The following RAMP3 variants were observed in gnomAD, a reference collection of about 807,000 sequenced individuals.
RAMP3 encodes the protein receptor activity modifying protein 3.
Under a neutral mutation model 13.5 loss-of-function variants are expected in RAMP3, and 14 were observed. That is an observed-to-expected ratio of 1.04 (90% CI 0.69 to 1.63). The LOEUF (loss-of-function observed/expected upper bound fraction) is 1.63. Among genes scored for constraint, RAMP3 ranks in the 40% most tolerant of loss-of-function variants. The pLI, the probability that RAMP3 is intolerant of heterozygous loss-of-function variation, is 0.00. For missense variants in RAMP3, 200 were observed against 204.8 expected, an observed-to-expected ratio of 0.98 and a Z score of 0.14; for synonymous variants, 106 against 88.3, an observed-to-expected ratio of 1.20 and a Z score of -1.12.
chr7:45,166,454 A>G (rs1785963514), intron 1 of RAMP3, among the ~76,000 whole-genome samples: 1 of 152,154 alleles, frequency 6.6e-6, no homozygotes, highest in Non-Finnish European at 1.5e-5. Context: ...TCATTTATAT[A>G]TATTTTTGTA....
At chr7:45,159,712 G>A (rs1041593936) in intron 1 of RAMP3, among the ~76,000 whole-genome samples, 12 of 152,166 alleles carry the variant, frequency 7.9e-5, no homozygotes, top group Admixed American at 3.9e-4. Context: ...TGCTGAGACC[G>A]TCAGTTTGAT....
At chr7:45,159,267 G>A (rs554728349) in intron 1 of RAMP3, among the ~76,000 whole-genome samples, 150 of 152,348 alleles carry the variant, frequency 9.8e-4, no homozygotes, top group Non-Finnish European at 2.0e-3. Flanking sequence ...GACCCTCCCA[G>A]TGTTCGACTG....
chr7:45,177,707 C>A (rs774708768), intron 2 of RAMP3, among the ~76,000 whole-genome samples: 3 of 152,180 alleles, frequency 2.0e-5, no homozygotes, highest in African/African-American at 7.2e-5. Context: ...CCGCCCATGC[C>A]GTGCCCCTGC....
At chr7:45,167,345 C>T (rs1785984515) in intron 1 of RAMP3, among the ~76,000 whole-genome samples, 1 of 152,046 alleles carries the variant, frequency 6.6e-6, no homozygotes, top group South Asian at 2.1e-4. Context: ...TGTCGCAGTA[C>T]CATTTGTTGA....
intron 1 of RAMP3, among the ~76,000 whole-genome samples, chr7:45,176,468 A>T (rs994723240): frequency 6.6e-6 from 1 of 152,046 alleles, no homozygotes; most frequent in African/African-American, 2.4e-5. Context: ...CACCCGAGAC[A>T]CATATGCCTG....
Position 45,165,847 on chromosome 7 carries a change from A to C in RAMP3, c.58+7961A>C, listed in dbSNP as rs536816021. Among the ~76,000 whole-genome samples the C allele has an allele frequency of 3.3e-5, 5 of 152,356 alleles. No individual in the cohort carries two copies. In the South Asian group the frequency reaches 8.3e-4, roughly 25 times the overall value. On this transcript the variant is annotated intron_variant, in intron 1 of 2. Transcript: ENST00000242249. ...AGCAGAATGTTTTTAAGGTTCATTC[A>C]TATAGTGGTATGTTTTAGCACTTCA...
chr7:45,171,141 A>G (rs1165564625), intron 1 of RAMP3, among the ~76,000 whole-genome samples: 4 of 145,980 alleles, frequency 2.7e-5, no homozygotes, highest in Admixed American at 6.8e-5. Context: ...AATTCTTTCC[A>G]TCTTTGATTT....
intron 2 of RAMP3, among the ~76,000 whole-genome samples, chr7:45,179,621 C>T (rs567405628): frequency 1.8e-4 from 27 of 152,136 alleles, no homozygotes; most frequent in African/African-American, 6.3e-4. Context: ...AGGAAATCTC[C>T]CAGGAATAGG....
At chr7:45,166,860 C>T (rs574208877) in intron 1 of RAMP3, among the ~76,000 whole-genome samples, 2 of 151,980 alleles carry the variant, frequency 1.3e-5, no homozygotes, top group East Asian at 1.9e-4. Flanking sequence ...ACTGCAACCT[C>T]GGCCTCCCAG....
intron 1 of RAMP3, among the ~76,000 whole-genome samples, chr7:45,165,436 T>C (rs1200901388): frequency 6.6e-6 from 1 of 152,228 alleles, no homozygotes; most frequent in Non-Finnish European, 1.5e-5. Flanking sequence ...CTGATAGGCT[T>C]TCCTAAACAT....
At chr7:45,158,607 G>A (rs1228829915) in intron 1 of RAMP3, among the ~76,000 whole-genome samples, 2 of 152,220 alleles carry the variant, frequency 1.3e-5, no homozygotes, top group Non-Finnish European at 2.9e-5. Flanking sequence ...AAAGGCTGTT[G>A]GGGAAGAGTG....
intron 2 of RAMP3, among the ~76,000 whole-genome samples, chr7:45,181,124 G>A (rs895153173): frequency 7.2e-5 from 11 of 152,236 alleles, no homozygotes; most frequent in Non-Finnish European, 1.0e-4. Context: ...GATAGGATAA[G>A]TGTTATTAAA....
intron 1 of RAMP3, chr7:45,163,485 C>T (rs952234638): frequency 5.1e-6 from 5 of 985,170 alleles, no homozygotes; most frequent in Non-Finnish European, 4.8e-6. Flanking sequence ...TAATGGGGGA[C>T]AGTCTGATTG....
intron 1 of RAMP3, among the ~76,000 whole-genome samples, chr7:45,161,916 C>A (rs1785875172): frequency 2.0e-5 from 3 of 151,984 alleles, no homozygotes; most frequent in Admixed American, 1.3e-4. Flanking sequence ...GCTCAGGAGA[C>A]CCACCCAAGG....
chr7:45,163,793 C>T lies in RAMP3; in HGVS notation c.58+5907C>T, dbSNP rs961073826. 3.9e-5 allele frequency: 38 copies of T among 985,240 alleles called. No homozygotes were observed. In the South Asian group the frequency reaches 7.0e-4, roughly 18 times the overall value. The allele number at this position is 985,240 out of a possible 1,614,324, so 61.0% of individuals were successfully genotyped here. On this transcript the variant is annotated intron_variant, in intron 1 of 2. Transcript: ENST00000242249. ...GGATGAGGTCTCTGTCTTCTGGCTC[C>T]GTGCCAGTGGGGCATCTGGAGGGTG... is the stretch of plus-strand genomic sequence containing the variant.
intron 1 of RAMP3, among the ~76,000 whole-genome samples, chr7:45,172,951 C>T (rs1786110462): frequency 2.0e-5 from 3 of 152,176 alleles, no homozygotes; most frequent in Admixed American, 1.3e-4. Context: ...GGTCCCCCTC[C>T]CTGCTCAGTG....
At chr7:45,178,205 A>G (rs1273501769) in intron 2 of RAMP3, among the ~76,000 whole-genome samples, 8 of 152,114 alleles carry the variant, frequency 5.3e-5, no homozygotes, top group South Asian at 2.1e-4. Context: ...TTGGGTTCCA[A>G]TGGTTTATAT....
intron 1 of RAMP3, among the ~76,000 whole-genome samples, chr7:45,158,228 TG>T (rs1163415021): frequency 6.6e-6 from 1 of 152,242 alleles, no homozygotes; most frequent in Non-Finnish European, 1.5e-5. Context: ...GGACCAGGTC[TG>T]GCTCTTTACC....
intron 2 of RAMP3, among the ~76,000 whole-genome samples, chr7:45,180,193 G>A (rs886726812): frequency 1.3e-5 from 2 of 152,266 alleles, no homozygotes; most frequent in Non-Finnish European, 2.9e-5. Context: ...AGGCAGGAGA[G>A]GGAAGCCCCA....
Sources: gnomAD v4.1 joint callset for allele counts (sites outside exome capture counted in the v4.1 genomes callset) on GRCh38, gnomAD v4.1.1 for gene constraint, MANE v1.5 for transcripts, NCBI Gene and HGNC (gene_info 2026-07-23, HGNC 2026-07-21) for gene names.